The following ZNF777 variants were observed in gnomAD, a reference collection of about 807,000 sequenced individuals.
ZNF777 encodes zinc finger protein 777.
Under a neutral mutation model 72.1 loss-of-function variants are expected in ZNF777, and 7 were observed. The ratio of observed to expected loss-of-function variants is 0.10; its 90% CI spans 0.06 to 0.18. ZNF777 has a LOEUF of 0.18. Among genes scored for constraint, ZNF777 ranks in the 10% least tolerant of loss-of-function variants. The pLI, the probability that ZNF777 is intolerant of heterozygous loss-of-function variation, is 1.00. For missense variants in ZNF777, 828 were observed against 1,128.6 expected (o/e 0.73, Z 3.82); for synonymous variants, 545 against 483.5 (o/e 1.13, Z -1.67).
intron 5 of ZNF777, among the ~76,000 whole-genome samples, chr7:149,434,427 C>G (rs1799378080): frequency 6.6e-6 from 1 of 152,122 alleles, no homozygotes; most frequent in Admixed American, 6.5e-5. Flanking sequence ...AGCGTGATGC[C>G]TAAAAGATCA....
At position 149,432,494 on chromosome 7, in the gene ZNF777, T is replaced by C; in HGVS notation, c.1778A>G (p.Gln593Arg). ...FRHKQQLTLHQRIHRVRGGCV... is the reference protein window; with the variant it reads ...FRHKQQLTLHRRIHRVRGGCV... ...GCCTCCGCGCACGCGGTGGATGCGC[T>C]GGTGCAGCGTGAGCTGTTGCTTGTG... Residue 593 changes from glutamine to arginine, a missense_variant, in exon 6 of 6, where the codon CAG (glutamine) becomes CGG (arginine). By Grantham distance (43) the Gln-to-Arg change is conservative. Around this residue, in one of 12 missense-constraint regions of ZNF777, gnomAD observed 100 missense variants for 106.2 expected, o/e 0.94. Coordinates refer to ENST00000247930, the MANE Select transcript of ZNF777 (RefSeq NM_015694.3). The C allele has an allele frequency of 1.2e-6, 2 of 1,613,850 alleles. No individual in the cohort carries two copies. The highest frequency in any genetic ancestry group is 8.5e-7 in the Non-Finnish European group (1 of 1,179,850).
rs1799927443 is a variant in ZNF777, at chr7:149,460,430, GCCCCGGCCCTCAACGGCGGC to G, written c.-16+365_-16+384del. On this transcript the variant is annotated intron_variant, in intron 1 of 5. Transcript: ENST00000247930. The surrounding 1 kb of genome is among the most constrained non-coding windows in gnomAD (Gnocchi z 6.1). ...CGGCTGCGTCCCGGCGGCGAGCTGG[GCCCCGGCCCTCAACGGCGGC>G]CCCCGGCCCGCGCGCCGCCCCTCTG... 6.8e-6 allele frequency among the ~76,000 whole-genome samples: 1 copy of G among 146,232 alleles called. No homozygotes were observed. The highest frequency in any genetic ancestry group is 2.5e-5 in the African/African-American group (1 of 40,760).
rs1490684571 is a variant in ZNF777, at chr7:149,436,463, C to G, written c.1339+112G>C. The G allele has an allele frequency of 6.2e-6, 8 of 1,286,428 alleles. No individual in the cohort carries two copies. The highest frequency in any genetic ancestry group is 8.5e-6 in the Non-Finnish European group (8 of 940,000). The allele number at this position is 1,286,428 out of a possible 1,614,324, so 79.7% of individuals were successfully genotyped here. A position where few individuals can be genotyped will look rare whatever the true frequency, so the allele number is the denominator to read the frequency against. On this transcript the variant is annotated intron_variant, in intron 5 of 5. Coordinates refer to ENST00000247930, the MANE Select transcript of ZNF777 (RefSeq NM_015694.3). The surrounding 1 kb of genome is among the most constrained non-coding windows in gnomAD (Gnocchi z 5.0). ...TTGGTAATTCTTTCCCACCTGTTGC[C>G]CCATCAGTGTCCAGCTACCTCTCTG... is the stretch of plus-strand genomic sequence containing the variant.
chr7:149,455,949 G>T lies in ZNF777; in HGVS notation c.74C>A (p.Ala25Asp), dbSNP rs767806783. Residue 25 changes from alanine to aspartate, a missense_variant, in exon 2 of 6, where the codon GCT (alanine) becomes GAT (aspartate). Ala to Asp is a moderately radical substitution (Grantham distance 126, BLOSUM62 -2). Coordinates refer to ENST00000247930, the MANE Select transcript of ZNF777 (RefSeq NM_015694.3). This position sits in a 1 kb window ranked among gnomAD's most constrained non-coding sequence, Gnocchi z 4.2. ...PQEETLRQAP[A>D]GLPRETLFQS... ...GAACAGAGTTTCTCGGGGGAGTCCAGCAGGGGCCTGACGTAAGGTTTCTTC... is the reference window on the plus strand; with the variant it reads ...GAACAGAGTTTCTCGGGGGAGTCCATCAGGGGCCTGACGTAAGGTTTCTTC... 1 of 1,613,556 alleles carries T rather than the reference G, an allele frequency of 6.2e-7. No individual in the cohort carries two copies. The highest frequency in any genetic ancestry group is 8.5e-7 in the Non-Finnish European group (1 of 1,179,830).
intron 4 of ZNF777, among the ~76,000 whole-genome samples, chr7:149,446,222 C>T (rs150599637): frequency 6.6e-6 from 1 of 151,992 alleles, no homozygotes; most frequent in African/African-American, 2.4e-5. Context: ...TACTAAAATA[C>T]AAAATTAGCC....
At position 149,431,769 on chromosome 7, in the gene ZNF777, C is replaced by T; in HGVS notation, c.*7G>A. ...ACCTGGCCGGGCGGCGGCGGCGGGG[C>T]GCGCGCTCACTCGCCCGTGTGGGTC... is the stretch of plus-strand genomic sequence containing the variant. On this transcript the variant is annotated 3_prime_UTR_variant, in exon 6 of 6. Transcript: ENST00000247930. 5.2e-6 allele frequency: 8 copies of T among 1,544,346 alleles called. No homozygotes were observed. Among genetic ancestry groups the T allele is most frequent in the Middle Eastern group, 1.9e-4 (1 of 5,320 alleles).
chr7:149,450,028 A>G (rs1174560135), intron 4 of ZNF777, among the ~76,000 whole-genome samples: 1 of 152,208 alleles, frequency 6.6e-6, no homozygotes, highest in East Asian at 1.9e-4. Context: ...AGTTCCTAAC[A>G]AGACCTGGCT....
chr7:149,454,226 T>C lies in ZNF777; in HGVS notation c.858A>G (p.Thr286=). The change falls in exon 3 of 6, where the codon ACA becomes ACG. Residue 286 remains threonine, a synonymous_variant. Transcript: ENST00000247930. ...SNGEVPKVPV[T]FDDVAVHFSE... Reference sequence around the variant, plus strand: ...AGAAGTGCACAGCAACATCATCAAATGTGACAGGGACCTGAAACCACACAA... The same window carrying C: ...AGAAGTGCACAGCAACATCATCAAACGTGACAGGGACCTGAAACCACACAA... 6.2e-7 allele frequency: 1 copy of C among 1,614,036 alleles called. No individual in the cohort carries two copies.
At chr7:149,442,161 G>A (rs1238262254) in intron 4 of ZNF777, among the ~76,000 whole-genome samples, 4 of 148,242 alleles carry the variant, frequency 2.7e-5, no homozygotes, top group Non-Finnish European at 5.9e-5. Flanking sequence ...AGGTTGCAGT[G>A]AGCCGAGATT....
chr7:149,437,902 C>T (rs1451868505), intron 4 of ZNF777, among the ~76,000 whole-genome samples: 5 of 143,196 alleles, frequency 3.5e-5, no homozygotes, highest in Non-Finnish European at 7.5e-5. Context: ...TTTTTTTAGA[C>T]GGAGTCTCGC....
At chr7:149,453,352 T>C (rs1799760921) in intron 3 of ZNF777, among the ~76,000 whole-genome samples, 2 of 152,228 alleles carry the variant, frequency 1.3e-5, no homozygotes, top group South Asian at 2.1e-4. Context: ...TTATCAATTC[T>C]AGCTGGAATC....
At chr7:149,444,463 G>A (rs955853792) in intron 4 of ZNF777, among the ~76,000 whole-genome samples, 2 of 152,114 alleles carry the variant, frequency 1.3e-5, no homozygotes, top group Non-Finnish European at 2.9e-5. Flanking sequence ...CTGACCTCTC[G>A]GAATGCCCCT....
Position 149,455,609 on chromosome 7 carries a change from G to C in ZNF777, c.414C>G (p.Asp138Glu). 6.2e-7 allele frequency: 1 copy of C among 1,607,698 alleles called. No homozygotes were observed. Among genetic ancestry groups the C allele is most frequent in the Non-Finnish European group, 8.5e-7 (1 of 1,177,384 alleles). ...PVHSPEAPEK[D>E]PLTLSPTVPE... is the part of the protein sequence containing the mutation. ...GAACTGTTGGGGAAAGGGTCAGGGG[G>C]TCTTTCTCAGGAGCTTCAGGGGAGT... Residue 138 changes from aspartate to glutamate, a missense_variant, in exon 2 of 6, where the codon GAC becomes GAG. Coordinates refer to ENST00000247930, the MANE Select transcript of ZNF777 (RefSeq NM_015694.3). The surrounding 1 kb of genome is among the most constrained non-coding windows in gnomAD (Gnocchi z 4.2).
chr7:149,459,000 A>G (rs1035377018), intron 1 of ZNF777, among the ~76,000 whole-genome samples: 2 of 152,330 alleles, frequency 1.3e-5, no homozygotes, highest in East Asian at 3.9e-4. Context: ...TATCTGACTT[A>G]TTAAGAAAGT....
chr7:149,459,397 A>G (rs1471034685), intron 1 of ZNF777, among the ~76,000 whole-genome samples: 1 of 152,118 alleles, frequency 6.6e-6, no homozygotes, highest in African/African-American at 2.4e-5. Context: ...AGGGCACTCA[A>G]AGTTTAGCCT....
At chr7:149,442,302 C>CACAG (rs1349723359) in intron 4 of ZNF777, among the ~76,000 whole-genome samples, 73 of 148,086 alleles carry the variant, frequency 4.9e-4, no homozygotes, top group African/African-American at 1.5e-3. Flanking sequence ...CACACACACA[C>CACAG]AGACACACAC....
chr7:149,453,551 G>A (rs919646253), intron 3 of ZNF777, among the ~76,000 whole-genome samples: 16 of 152,040 alleles, frequency 1.1e-4, no homozygotes, highest in African/African-American at 3.6e-4. Flanking sequence ...TACAGACTTC[G>A]GGGTAAGGCA....
chr7:149,432,391 A>G lies in ZNF777; in HGVS notation c.1881T>C (p.Gly627=), dbSNP rs749046779. 1.9e-6 allele frequency: 3 copies of G among 1,613,420 alleles called. No homozygotes were observed. The highest frequency in any genetic ancestry group is 1.7e-5 in the Admixed American group (1 of 60,032). Residue 627 remains glycine, a synonymous_variant, in exon 6 of 6, where the codon GGT becomes GGC. Transcript: ENST00000247930. ...AGGGCTTAGGGCCACCGCCGCCGCT[A>G]CCAGAGCTGGGTGACTTGGGACGCG... ...LKPRPKSPSS[G]SGGGGPKPYK... is the part of the protein sequence containing the mutation.
At chr7:149,459,217 G>C (rs1425820880) in intron 1 of ZNF777, among the ~76,000 whole-genome samples, 1 of 152,178 alleles carries the variant, frequency 6.6e-6, no homozygotes, top group Admixed American at 6.5e-5. Flanking sequence ...AGGAAACTGA[G>C]GCTCAAAGGC....
Sources: gnomAD v4.1 joint callset for allele counts (sites outside exome capture counted in the v4.1 genomes callset) on GRCh38, gnomAD v4.1.1 for gene constraint, gnomAD v4.1.1 regional missense constraint, Gnocchi (gnomAD v3.1) non-coding constraint, MANE v1.5 for transcripts, NCBI Gene and HGNC (gene_info 2026-07-23, HGNC 2026-07-21) for gene names.